The following STK39 variants were observed in gnomAD, a reference collection of about 807,000 sequenced individuals.
The protein encoded by STK39 is STE20/SPS1-related proline-alanine-rich protein kinase.
Under a neutral mutation model 77.8 loss-of-function variants are expected in STK39, and 20 were observed. That is an observed-to-expected ratio of 0.26 (90% CI 0.18 to 0.37). The LOEUF is 0.37. STK39 is among the 10% of genes least tolerant of loss of function. The pLI is 1.00. For synonymous variants in STK39, 246 were observed against 234.1 expected (o/e 1.05, Z -0.47); for missense variants, 479 against 656.5 (o/e 0.73, Z 2.95).
chr2:168,176,155 A>G (rs1252229207), intron 2 of STK39, among the ~76,000 whole-genome samples: 1 of 152,204 alleles, frequency 6.6e-6, no homozygotes, highest in African/African-American at 2.4e-5. Flanking sequence ...ACACACATAC[A>G]AAATTATACT....
chr2:167,979,852 A>G (rs1443884441), intron 16 of STK39, among the ~76,000 whole-genome samples: 1 of 152,248 alleles, frequency 6.6e-6, no homozygotes, highest in Non-Finnish European at 1.5e-5. Context: ...AAGAAGTGAT[A>G]TGACACAGGG....
intron 15 of STK39, among the ~76,000 whole-genome samples, chr2:168,014,145 T>C (rs920385259): frequency 2.0e-5 from 3 of 152,192 alleles, no homozygotes; most frequent in East Asian, 1.9e-4. Context: ...TAAAGTTCCA[T>C]GTAAGATGAG....
intron 16 of STK39, among the ~76,000 whole-genome samples, chr2:168,003,015 G>T (rs991681081): frequency 6.6e-6 from 1 of 152,056 alleles, no homozygotes. Context: ...ATGGAGTCTC[G>T]CTCTGTCGCC....
intron 16 of STK39, among the ~76,000 whole-genome samples, chr2:167,970,599 CTATTCGTTTGCCCTGT>C (rs1692307583): frequency 6.6e-6 from 1 of 152,192 alleles, no homozygotes; most frequent in Non-Finnish European, 1.5e-5. Context: ...AGCAATAATC[CTATTCGTTTGCCCTGT>C]TAAAGCAAAG....
chr2:167,996,665 C>T (rs1683848766), intron 16 of STK39, among the ~76,000 whole-genome samples: 1 of 152,160 alleles, frequency 6.6e-6, no homozygotes, highest in Non-Finnish European at 1.5e-5. Flanking sequence ...GGATTGTCTT[C>T]TTGAGGCCTA....
intron 10 of STK39, among the ~76,000 whole-genome samples, chr2:168,093,625 ACC>A (rs1686584290): frequency 6.6e-6 from 1 of 152,114 alleles, no homozygotes; most frequent in Non-Finnish European, 1.5e-5. Flanking sequence ...TATCTCTTCT[ACC>A]TATTCTCTGC....
chr2:168,027,658 T>G (rs1303668423), intron 14 of STK39, among the ~76,000 whole-genome samples: 1 of 152,162 alleles, frequency 6.6e-6, no homozygotes, highest in Non-Finnish European at 1.5e-5. Context: ...ACGCACAAGG[T>G]TTTCTTCAAA....
intron 14 of STK39, among the ~76,000 whole-genome samples, chr2:168,061,230 G>A (rs1171314640): frequency 6.8e-6 from 1 of 147,326 alleles, no homozygotes. Flanking sequence ...GAGAAATATA[G>A]AGTGTGGATT....
chr2:167,956,976 T>C lies in STK39; in HGVS notation c.1564-1406A>G, dbSNP rs187894741. 2.1e-3 allele frequency among the ~76,000 whole-genome samples: 322 copies of C among 152,008 alleles called. 1 individual carries two copies. The highest frequency in any genetic ancestry group is 7.5e-3 in the African/African-American group (311 of 41,354). ...TTCCAATCACCACAATTAAGCTGCA[T>C]AGCACTGCTTGTATACATTTAGAAT... On this transcript the variant is annotated intron_variant, in intron 17 of 17. Transcript: ENST00000355999.
chr2:168,067,577 T>A (rs983084238), intron 12 of STK39, among the ~76,000 whole-genome samples: 2 of 151,768 alleles, frequency 1.3e-5, no homozygotes, highest in Non-Finnish European at 2.9e-5. Flanking sequence ...AATAACCCAC[T>A]CTCAGGTGGC....
At chr2:168,103,751 A>G (rs932436742) in intron 10 of STK39, among the ~76,000 whole-genome samples, 3 of 152,212 alleles carry the variant, frequency 2.0e-5, no homozygotes, top group Non-Finnish European at 1.5e-5. Flanking sequence ...TTTGAATTTG[A>G]CAGCTTCCTA....
rs532941581 is a variant in STK39, at chr2:168,035,410, T to G, written c.1377-18315A>C. Among the ~76,000 whole-genome samples the G allele has an allele frequency of 2.0e-5, 3 of 151,492 alleles. No individual in the cohort carries two copies. In the South Asian group the frequency reaches 6.2e-4, roughly 31 times the overall value. On this transcript the variant is annotated intron_variant, in intron 14 of 17. Coordinates refer to ENST00000355999, the MANE Select transcript of STK39 (RefSeq NM_013233.3). ...GCAAATCAAAGAATTTTATCTTATT[T>G]TAGTTTTTCCTTCCCTTTCTCTAAC...
chr2:167,994,098 T>C lies in STK39; in HGVS notation c.1498+18536A>G, dbSNP rs371629871. 1.3e-3 allele frequency among the ~76,000 whole-genome samples: 192 copies of C among 152,328 alleles called. 1 individual carries two copies. The highest frequency in any genetic ancestry group is 4.1e-3 in the African/African-American group (169 of 41,574). The stretch of plus-strand genomic sequence containing the variant: ...ACCAACCAGTGAACAGTTTAAGTAA[T>C]GTAAAGGAAGTACATATCGGTACCC... On this transcript the variant is annotated intron_variant, in intron 16 of 17. Coordinates refer to ENST00000355999, the MANE Select transcript of STK39 (RefSeq NM_013233.3).
intron 14 of STK39, among the ~76,000 whole-genome samples, chr2:168,034,822 C>T (rs188732682): frequency 4.0e-4 from 61 of 152,264 alleles, no homozygotes; most frequent in Non-Finnish European, 7.9e-4. Context: ...GCAGCGGGTG[C>T]CATGCTAATT....
At chr2:168,012,742 C>T (rs1256717988) in intron 15 of STK39, 40 bp from the exon 16 acceptor site, 26 of 1,559,366 alleles carry the variant, frequency 1.7e-5, no homozygotes, top group South Asian at 1.0e-4. Flanking sequence ...GTAACCATAA[C>T]ATAAAAATCA....
intron 1 of STK39, among the ~76,000 whole-genome samples, chr2:168,217,329 C>G (rs1430218635): frequency 6.6e-6 from 1 of 152,106 alleles, no homozygotes; most frequent in Non-Finnish European, 1.5e-5. Flanking sequence ...TAGAAAACCC[C>G]AATTTCTATC....
chr2:168,045,397 G>A (rs544555638), intron 14 of STK39, among the ~76,000 whole-genome samples: 4 of 145,060 alleles, frequency 2.8e-5, no homozygotes, highest in South Asian at 4.4e-4. Context: ...AGTCTTAGCC[G>A]TCCACCCCAG....
chr2:168,091,799 A>T (rs1686533309), intron 10 of STK39, among the ~76,000 whole-genome samples: 1 of 152,176 alleles, frequency 6.6e-6, no homozygotes, highest in Non-Finnish European at 1.5e-5. Context: ...TTATCTATAC[A>T]TTCCAACTCT....
chr2:168,220,205 C>A (rs1159985388), intron 1 of STK39, among the ~76,000 whole-genome samples: 1 of 152,080 alleles, frequency 6.6e-6, no homozygotes, highest in African/African-American at 2.4e-5. Flanking sequence ...CAAGCATGTG[C>A]CAATAATGAA....
Sources: allele counts gnomAD v4.1 joint callset (sites outside exome capture counted in the v4.1 genomes callset), GRCh38; gene constraint gnomAD v4.1.1; transcripts MANE v1.5; gene names NCBI Gene and HGNC (gene_info 2026-07-23, HGNC 2026-07-21).